Variants in CCDC171 observed in about 807,000 individuals in gnomAD.
CCDC171 encodes the protein coiled-coil domain-containing protein 171.
In CCDC171, 177 loss-of-function variants were observed where a neutral mutation model predicts 168.2. The ratio of observed to expected loss-of-function variants is 1.05; its 90% CI spans 0.93 to 1.19. The LOEUF (loss-of-function observed/expected upper bound fraction) is 1.19, where lower values mean the gene tolerates loss of function less well. Ranked by LOEUF, CCDC171 falls within the 50% of genes most tolerant of loss-of-function variation. The pLI is 0.00. For synonymous variants in CCDC171, 687 were observed against 540.8 expected (o/e 1.27, Z -3.75); for missense variants, 1,991 against 1,539.0 (o/e 1.29, Z -4.91).
At chr9:16,030,069 C>G (rs1471129743) in intron 6 of CCDC171, among the ~76,000 whole-genome samples, 1 of 152,136 alleles carries the variant, frequency 6.6e-6, no homozygotes, top group East Asian at 1.9e-4. Context: ...CTCTCTGGGG[C>G]CTCTTTTTTA....
intron 7 of CCDC171, among the ~76,000 whole-genome samples, chr9:15,630,316 A>G (rs917633837): frequency 6.6e-6 from 1 of 152,180 alleles, no homozygotes; most frequent in African/African-American, 2.4e-5. Flanking sequence ...GCTCAAAATA[A>G]AAGGATGGAG....
At chr9:15,766,183 T>C (rs2135182102) in intron 18 of CCDC171, among the ~76,000 whole-genome samples, 1 of 152,302 alleles carries the variant, frequency 6.6e-6, no homozygotes, top group African/African-American at 2.4e-5. Flanking sequence ...TCCATGGGAC[T>C]TGGGGAGCAA....
chr9:16,076,542 C>T, the CCDC171 span, among the ~76,000 whole-genome samples: 1 of 152,168 alleles, frequency 6.6e-6, no homozygotes, highest in African/African-American at 2.4e-5. Context: ...GTGCTGAGCT[C>T]CTTAGGGTCC....
Position 15,594,174 on chromosome 9 carries a change from T to C in CCDC171, c.675+2T>C. On this transcript the variant is annotated splice_donor_variant, in intron 6 of 25. Transcript: ENST00000380701. LOFTEE classifies it high-confidence loss of function. ...AGAGAATTACAATTTATAGTACAGG[T>C]ATTTTAAAAATAATCAGTTCCTTAA... 2 of 1,356,828 alleles carry C rather than the reference T, an allele frequency of 1.5e-6. No individual in the cohort carries two copies. The highest frequency in any genetic ancestry group is 1.0e-6 in the Non-Finnish European group (1 of 974,234). The allele number at this position is 1,356,828 out of a possible 1,614,324, so 84.0% of individuals were successfully genotyped here. A position where few individuals can be genotyped will look rare whatever the true frequency, so the allele number is the denominator to read the frequency against.
At chr9:15,640,262 T>C (rs1481451452) in intron 7 of CCDC171, among the ~76,000 whole-genome samples, 2 of 152,142 alleles carry the variant, frequency 1.3e-5, no homozygotes, top group Non-Finnish European at 2.9e-5. Flanking sequence ...CCAAGACCAG[T>C]TGGACTTCCT....
At chr9:15,614,814 T>G (rs2043963976) in intron 6 of CCDC171, among the ~76,000 whole-genome samples, 1 of 152,178 alleles carries the variant, frequency 6.6e-6, no homozygotes, top group Non-Finnish European at 1.5e-5. Flanking sequence ...GCCATGATCT[T>G]TACTATAGGA....
intron 25 of CCDC171, among the ~76,000 whole-genome samples, chr9:15,935,022 T>C (rs979731921): frequency 6.6e-6 from 1 of 152,030 alleles, no homozygotes; most frequent in South Asian, 2.1e-4. Flanking sequence ...GGATGGAGAA[T>C]GACTGCTTAA....
intron 21 of CCDC171, among the ~76,000 whole-genome samples, chr9:15,791,927 C>T (rs1328263453): frequency 6.6e-6 from 1 of 152,190 alleles, no homozygotes; most frequent in African/African-American, 2.4e-5. Flanking sequence ...CTCTCCCCCT[C>T]CAGAGGAACG....
At chr9:15,664,151 T>C (rs956384123) in intron 8 of CCDC171, among the ~76,000 whole-genome samples, 5 of 152,148 alleles carry the variant, frequency 3.3e-5, no homozygotes, top group African/African-American at 4.8e-5. Context: ...AGCTATTACT[T>C]AATGGGTACA....
intron 18 of CCDC171, among the ~76,000 whole-genome samples, chr9:15,774,795 G>T (rs28587756): frequency 6.6e-6 from 1 of 152,182 alleles, no homozygotes; most frequent in African/African-American, 2.4e-5. Flanking sequence ...CGAAATAATG[G>T]CATTTGTAGC....
rs566633245 is a variant in CCDC171 at position 15,561,551 on chromosome 9, A to G, written c.-111-2427A>G. On this transcript the variant is annotated intron_variant, in intron 1 of 25. Transcript: ENST00000380701. ...CTGTAGTTCTTTAACTTAACTTTGT[A>G]TTCCATTGACATTTTCATTACTATC... Among the ~76,000 whole-genome samples, 4 of 152,298 alleles carry G rather than the reference A, an allele frequency of 2.6e-5. No individual in the cohort carries two copies. In the South Asian group the frequency reaches 8.3e-4, roughly 32 times the overall value.
intron 22 of CCDC171, 21 bp from the exon 23 acceptor site, chr9:15,848,872 T>C: frequency 6.8e-7 from 1 of 1,469,732 alleles, no homozygotes; most frequent in Non-Finnish European, 9.4e-7. Flanking sequence ...TTACTAACAC[T>C]TAATCTTTTA....
At chr9:15,778,561 G>A (rs1381158355) in intron 19 of CCDC171, among the ~76,000 whole-genome samples, 3 of 144,998 alleles carry the variant, frequency 2.1e-5, no homozygotes, top group Non-Finnish European at 4.5e-5. Context: ...CATGAGAATC[G>A]CTTGAACTCG....
intron 4 of CCDC171, among the ~76,000 whole-genome samples, chr9:15,586,993 T>G (rs1032764974): frequency 5.9e-5 from 9 of 152,070 alleles, no homozygotes; most frequent in Non-Finnish European, 8.8e-5. Context: ...AATTTTTTTT[T>G]GTAGAGACTA....
intron 24 of CCDC171, among the ~76,000 whole-genome samples, chr9:15,916,552 A>C (rs1203608053): frequency 2.0e-5 from 3 of 152,026 alleles, no homozygotes; most frequent in Middle Eastern, 3.4e-3. Context: ...ATTTTTCACT[A>C]TTTTCTTCTT....
chr9:15,928,436 G>A (rs187832594), intron 25 of CCDC171, among the ~76,000 whole-genome samples: 1 of 151,832 alleles, frequency 6.6e-6, no homozygotes, highest in African/African-American at 2.4e-5. Context: ...TGTGAGAGAT[G>A]ACACTGGAGG....
chr9:15,857,747 T>C (rs1190965590), intron 23 of CCDC171, among the ~76,000 whole-genome samples: 1 of 151,776 alleles, frequency 6.6e-6, no homozygotes, highest in Non-Finnish European at 1.5e-5. Flanking sequence ...TAGCAAGTGA[T>C]ATCTGGTTTT....
At chr9:15,978,167 A>G (rs1831678333), downstream of CCDC171, among the ~76,000 whole-genome samples, 1 of 152,172 alleles carries the variant, frequency 6.6e-6, no homozygotes, top group Non-Finnish European at 1.5e-5. Context: ...ACTACTGACT[A>G]TTGAACTCAT....
At chr9:15,945,707 A>G (rs4275324) in intron 25 of CCDC171, among the ~76,000 whole-genome samples, 2,236 of 148,618 alleles carry the variant, frequency 0.015, 9 homozygotes, top group African/African-American at 0.027. Context: ...CATGTCCTTC[A>G]CCCCCTTTTT....
Sources: allele counts gnomAD v4.1 joint callset (sites outside exome capture counted in the v4.1 genomes callset), GRCh38; gene constraint gnomAD v4.1.1; transcripts MANE v1.5; gene names NCBI Gene and HGNC (gene_info 2026-07-23, HGNC 2026-07-21).